MLIP: variants seen among roughly 807,000 people sequenced by gnomAD.
MLIP encodes the protein muscular LMNA interacting protein, also known as muscular LMNA-interacting protein.
Under a neutral mutation model 84.8 loss-of-function variants are expected in MLIP, and 79 were observed. The ratio of observed to expected loss-of-function variants is 0.93; its 90% CI spans 0.78 to 1.12. The LOEUF is 1.12. Among genes scored for constraint, MLIP ranks in the 50% most tolerant of loss-of-function variants. MLIP has a pLI of 0.00. For missense variants in MLIP, 1,257 were observed against 1,160.6 expected, an observed-to-expected ratio of 1.08 and a Z score of -1.21; for synonymous variants, 504 against 463.0, an observed-to-expected ratio of 1.09 and a Z score of -1.14.
intron 12 of MLIP, among the ~76,000 whole-genome samples, chr6:54,241,675 A>T (rs184994107): frequency 1.3e-5 from 2 of 152,306 alleles, no homozygotes; most frequent in African/African-American, 4.8e-5. Flanking sequence ...GTTTTTGCTA[A>T]AAAAGATGAA....
chr6:54,098,026 C>T (rs1187941059), intron 1 of MLIP, among the ~76,000 whole-genome samples: 1 of 152,046 alleles, frequency 6.6e-6, no homozygotes, highest in South Asian at 2.1e-4. Context: ...TGAAATTAGC[C>T]AGTTCTAATG....
chr6:54,051,608 A>C (rs1158106491), intron 1 of MLIP, among the ~76,000 whole-genome samples: 1 of 152,088 alleles, frequency 6.6e-6, no homozygotes, highest in Non-Finnish European at 1.5e-5. Flanking sequence ...AGACAATTTT[A>C]GGGGACTATG....
chr6:54,176,022 T>C (rs1424357850), intron 9 of MLIP, among the ~76,000 whole-genome samples: 1 of 152,064 alleles, frequency 6.6e-6, no homozygotes, highest in Non-Finnish European at 1.5e-5. Context: ...TAATATGACA[T>C]ATCACATTGA....
At chr6:54,205,835 A>T (rs1778998728) in intron 11 of MLIP, among the ~76,000 whole-genome samples, 1 of 152,136 alleles carries the variant, frequency 6.6e-6, no homozygotes, top group Admixed American at 6.5e-5. Context: ...TTCGTTCATT[A>T]TTAATTAATA....
intron 4 of MLIP, among the ~76,000 whole-genome samples, chr6:54,147,925 CT>C (rs1032529330): frequency 1.2e-3 from 189 of 152,236 alleles, no homozygotes; most frequent in African/African-American, 4.1e-3. Flanking sequence ...ATGCATTCTG[CT>C]GTTAGCTGGA....
At chr6:54,210,020 G>T (rs1278036293) in intron 11 of MLIP, among the ~76,000 whole-genome samples, 1 of 149,520 alleles carries the variant, frequency 6.7e-6, no homozygotes, top group East Asian at 2.0e-4. Context: ...TACAGTTAAT[G>T]GTTTAGAACT....
intron 4 of MLIP, among the ~76,000 whole-genome samples, chr6:54,142,017 T>C (rs1378066069): frequency 6.6e-6 from 1 of 152,226 alleles, no homozygotes; most frequent in East Asian, 1.9e-4. Context: ...CATTCCCAAA[T>C]ACATCACACT....
chr6:54,251,607 T>C (rs1782506532), intron 12 of MLIP, among the ~76,000 whole-genome samples: 1 of 99,282 alleles, frequency 1.0e-5, no homozygotes, highest in Non-Finnish European at 1.8e-5. Context: ...ATATATATTA[T>C]AACATATAAT....
Position 54,266,213 on chromosome 6 carries a change from G to GC in MLIP, c.*259dup. 2 of 440,024 alleles carry GC rather than the reference G, an allele frequency of 4.5e-6. No homozygotes were observed. The highest frequency in any genetic ancestry group is 4.9e-5 in the South Asian group (1 of 20,612). 27.3% of individuals were successfully genotyped at this position (440,024 alleles called of 1,614,324 possible). ...TTTAATGCCTTCTACTTAATATTAA[G>GC]CTGACCGCAATACTAACGTGCCCCT... On this transcript the variant is annotated 3_prime_UTR_variant, in exon 14 of 14. Transcript: ENST00000502396.
At chr6:54,069,903 C>G (rs1288677636) in intron 1 of MLIP, among the ~76,000 whole-genome samples, 3 of 100,022 alleles carry the variant, frequency 3.0e-5, no homozygotes, top group African/African-American at 7.7e-5. Context: ...TTTTGTCAAC[C>G]TAATTCTTTG....
intron 1 of MLIP, among the ~76,000 whole-genome samples, chr6:54,088,863 T>G: frequency 6.6e-6 from 1 of 152,320 alleles, no homozygotes; most frequent in East Asian, 1.9e-4. Flanking sequence ...TTAATAGATA[T>G]TCTTATAGTA....
At chr6:54,215,197 C>G in intron 11 of MLIP, 1 of 1,535,092 alleles carries the variant, frequency 6.5e-7, no homozygotes, top group South Asian at 1.2e-5. Context: ...TCCTTGGCTC[C>G]TCTGATCATT....
intron 11 of MLIP, among the ~76,000 whole-genome samples, chr6:54,225,300 C>T (rs754235312): frequency 2.0e-5 from 3 of 152,114 alleles, no homozygotes; most frequent in Non-Finnish European, 4.4e-5. Flanking sequence ...CCTATTGCTC[C>T]TAGGCTACAA....
At chr6:54,219,289 A>C (rs916566534) in intron 11 of MLIP, among the ~76,000 whole-genome samples, 6 of 150,292 alleles carry the variant, frequency 4.0e-5, no homozygotes, top group African/African-American at 1.5e-4. Context: ...AATATTTTTT[A>C]TTTATATCTT....
intron 12 of MLIP, among the ~76,000 whole-genome samples, chr6:54,239,381 T>A (rs1486908459): frequency 1.0e-4 from 15 of 147,162 alleles, no homozygotes; most frequent in East Asian, 5.9e-4. Context: ...TATATATATA[T>A]AATATATATA....
At chr6:54,219,672 C>G (rs1004150997) in intron 11 of MLIP, among the ~76,000 whole-genome samples, 2 of 152,158 alleles carry the variant, frequency 1.3e-5, no homozygotes, top group Non-Finnish European at 2.9e-5. Context: ...CAACTTCTAA[C>G]ATAAAATAAC....
intron 11 of MLIP, among the ~76,000 whole-genome samples, chr6:54,219,803 G>T (rs1484673037): frequency 6.6e-6 from 1 of 152,112 alleles, no homozygotes; most frequent in Non-Finnish European, 1.5e-5. Context: ...AAAGTGTCAG[G>T]CCTTTCTAAC....
intron 4 of MLIP, among the ~76,000 whole-genome samples, chr6:54,143,006 C>CA (rs1160181242): frequency 6.6e-6 from 1 of 152,066 alleles, no homozygotes; most frequent in East Asian, 1.9e-4. Flanking sequence ...ACTCCCTTCA[C>CA]AAAGTTCTTG....
At chr6:54,044,823 G>C (rs1056692934) in intron 1 of MLIP, among the ~76,000 whole-genome samples, 1 of 152,112 alleles carries the variant, frequency 6.6e-6, no homozygotes, top group African/African-American at 2.4e-5. Flanking sequence ...GGAACTAAGA[G>C]CTCTTGCTTG....
Sources: allele counts gnomAD v4.1 joint callset (sites outside exome capture counted in the v4.1 genomes callset), GRCh38; gene constraint gnomAD v4.1.1; transcripts MANE v1.5; gene names NCBI Gene and HGNC (gene_info 2026-07-23, HGNC 2026-07-21).